The following CDK10 variants were observed in gnomAD, a reference collection of about 807,000 sequenced individuals.
CDK10 encodes the protein cyclin dependent kinase 10.
CDK10 carries 55 observed loss-of-function variants against 51.0 expected under a neutral mutation model. The ratio of observed to expected loss-of-function variants is 1.08; its 90% CI spans 0.87 to 1.35. The LOEUF (loss-of-function observed/expected upper bound fraction) is 1.35, where lower values mean the gene tolerates loss of function less well. Among genes scored for constraint, CDK10 ranks in the 40% most tolerant of loss-of-function variants. CDK10 has a pLI of 0.00. For missense variants in CDK10, 589 were observed against 485.1 expected (o/e 1.21, Z -2.01); for synonymous variants, 255 against 199.1 (o/e 1.28, Z -2.36).
rs955391971 is a variant in CDK10 at position 89,686,902 on chromosome 16, C to T, written c.87+105C>T. On this transcript the variant is annotated intron_variant, in intron 1 of 12. Coordinates refer to ENST00000353379, the MANE Select transcript of CDK10 (RefSeq NM_052988.5). ...CGCTGCCGCGCCGAGGCTTCCGGCACGGGCGGGAACGACAGTCCCAGAGTT... is the reference window on the plus strand; with the variant it reads ...CGCTGCCGCGCCGAGGCTTCCGGCATGGGCGGGAACGACAGTCCCAGAGTT... 6.2e-6 allele frequency: 6 copies of T among 973,976 alleles called. No individual in the cohort carries two copies. In the African/African-American group the frequency reaches 8.6e-5, roughly 14 times the overall value. 60.3% of individuals were successfully genotyped at this position (973,976 alleles called of 1,614,324 possible). A position where few individuals can be genotyped will look rare whatever the true frequency, so the allele number is the denominator to read the frequency against.
At position 89,695,839 on chromosome 16, in the gene CDK10, T is replaced by G; in HGVS notation, c.*147T>G. The stretch of plus-strand genomic sequence containing the variant: ...ACATCCTCCACTGACTTCCTCCCAC[T>G]GTCTGCCCTGAACCCACTGCTGCCC... On this transcript the variant is annotated 3_prime_UTR_variant, in exon 13 of 13. Coordinates refer to ENST00000353379, the MANE Select transcript of CDK10 (RefSeq NM_052988.5). The G allele has an allele frequency of 6.6e-7, 1 of 1,521,378 alleles. No individual in the cohort carries two copies. Among genetic ancestry groups the G allele is most frequent in the South Asian group, 1.2e-5 (1 of 83,762 alleles). The allele number at this position is 1,521,378 out of a possible 1,614,324, so 94.2% of individuals were successfully genotyped here.
At chr16:89,693,565 A>G in intron 8 of CDK10, 98 bp downstream of exon 8, 2 of 1,212,736 alleles carry the variant, frequency 1.6e-6, no homozygotes, top group East Asian at 2.4e-5. Context: ...GGCCTTGGGA[A>G]TGTTAAGCTA....
chr16:89,690,717 C>A, intron 3 of CDK10, 93 bp downstream of exon 3: 2 of 1,129,578 alleles, frequency 1.8e-6, no homozygotes, highest in Non-Finnish European at 1.4e-6. Flanking sequence ...CTGCACGGTG[C>A]TTGTAGCGGG....
chr16:89,694,388 A>G, intron 9 of CDK10, 156 bp downstream of exon 9: 1 of 901,842 alleles, frequency 1.1e-6, no homozygotes, highest in Non-Finnish European at 1.7e-6. Flanking sequence ...GAGCCTGGAA[A>G]CCCAGGAGGA....
rs116743290 is a variant in CDK10 at position 89,695,972 on chromosome 16, C to T, written c.*280C>T. Reference sequence around the variant, plus strand: ...CAGGGGTCTCATGTGGTCCTCCTCGCTATGTTGGAAATGTGCAACCACTGC... The same window carrying T: ...CAGGGGTCTCATGTGGTCCTCCTCGTTATGTTGGAAATGTGCAACCACTGC... On this transcript the variant is annotated 3_prime_UTR_variant, in exon 13 of 13. Transcript: ENST00000353379. 5.9e-3 allele frequency: 3,656 copies of T among 621,668 alleles called. 107 individuals carry two copies. The African/African-American group carries it at 0.06, about 10-fold the overall frequency. The allele number at this position is 621,668 out of a possible 1,614,324, so 38.5% of individuals were successfully genotyped here.
At chr16:89,691,734 C>A in intron 4 of CDK10, 72 bp from the exon 5 acceptor site, 2 of 1,460,226 alleles carry the variant, frequency 1.4e-6, no homozygotes, top group Non-Finnish European at 1.9e-6. Flanking sequence ...TCCCCTCCTG[C>A]AGCAGGGGAG....
chr16:89,693,541 C>A, intron 8 of CDK10, 74 bp downstream of exon 8: 3 of 1,462,814 alleles, frequency 2.1e-6, no homozygotes, highest in Non-Finnish European at 2.9e-6. Context: ...GGATGTCAGG[C>A]CGAAGCTGCA....
Position 89,694,712 on chromosome 16 carries a change from T to TC in CDK10, c.720dup (p.Gly241ArgfsTer20), listed in dbSNP as rs1941412288. The stretch of plus-strand genomic sequence containing the variant: ...GAGCTGCTGGCGCACAGGCCTCTTC[T>TC]CCCCGGCACTTCCGAGATCCACCAG... On this transcript the variant is annotated frameshift_variant, in exon 10 of 13. Coordinates refer to ENST00000353379, the MANE Select transcript of CDK10 (RefSeq NM_052988.5). LOFTEE classifies it high-confidence loss of function. The TC allele has an allele frequency of 6.3e-7, 1 of 1,584,496 alleles. No homozygotes were observed. Among genetic ancestry groups the TC allele is most frequent in the African/African-American group, 1.3e-5 (1 of 74,074 alleles).
intron 2 of CDK10, 150 bp downstream of exon 2, chr16:89,689,474 C>T: frequency 1.5e-6 from 1 of 656,558 alleles, no homozygotes; most frequent in Non-Finnish European, 2.8e-6. Context: ...AACTTCAATT[C>T]CTGATGTAGT....
intron 3 of CDK10, 150 bp downstream of exon 3, chr16:89,690,774 A>C (rs2060410326): frequency 1.4e-6 from 1 of 705,864 alleles, no homozygotes; most frequent in Non-Finnish European, 2.6e-6. Context: ...CATCACCCCC[A>C]GGTCCACACG....
At chr16:89,691,617 C>T (rs940067880) in intron 4 of CDK10, 72 bp downstream of exon 4, 13 of 1,363,928 alleles carry the variant, frequency 9.5e-6, no homozygotes, top group East Asian at 2.3e-5. Flanking sequence ...TTGCACAGAG[C>T]GAGGACTGAG....
At position 89,695,736 on chromosome 16, in the gene CDK10, G is replaced by T; in HGVS notation, c.*44G>T. The T allele has an allele frequency of 1.3e-6, 2 of 1,590,720 alleles. No homozygotes were observed. Among genetic ancestry groups the T allele is most frequent in the Middle Eastern group, 1.7e-4 (1 of 6,046 alleles). ...CCTGTATTCCCACACCAGGTCTTCC[G>T]ATCAGTGGTGTCTGTGAAGGGTGCC... is the stretch of plus-strand genomic sequence containing the variant. On this transcript the variant is annotated 3_prime_UTR_variant, in exon 13 of 13. Transcript: ENST00000353379.
intron 6 of CDK10, 126 bp from the exon 7 acceptor site, chr16:89,693,148 A>AG: frequency 1.3e-6 from 1 of 790,208 alleles, no homozygotes; most frequent in East Asian, 2.6e-5. Context: ...AAAAAAAAAA[A>AG]AAAAAGATAC....
chr16:89,689,744 C>T lies in CDK10; in HGVS notation c.160+420C>T, dbSNP rs548696597. ...TATTGCCCAGACTGGAGTGCAGTGG[C>T]ATGATCATAGCTCACTGCGGCCTCG... On this transcript the variant is annotated intron_variant, in intron 2 of 12. Coordinates refer to ENST00000353379, the MANE Select transcript of CDK10 (RefSeq NM_052988.5). 185 of 166,992 alleles carry T rather than the reference C, an allele frequency of 1.1e-3. 1 individual carries two copies. The highest frequency in any genetic ancestry group is 4.1e-3 in the African/African-American group (170 of 41,338). 10.3% of individuals were successfully genotyped at this position (166,992 alleles called of 1,614,324 possible).
chr16:89,691,488 T>C lies in CDK10; in HGVS notation c.278T>C (p.Leu93Pro), dbSNP rs1220315383. The change falls in exon 4 of 13, where the codon CTG (leucine) becomes CCG (proline). Residue 93 changes from leucine (L) to proline (P), a missense_variant. Transcript: ENST00000353379. ...SLREITLLLR[L>P]RHPNIVELKE... is the part of the protein sequence containing the mutation. ...CGGGAGATCACGCTGCTGCTCCGCC[T>C]GCGTCATCCGAACATCGTGGAGCTG... 1.9e-6 allele frequency: 3 copies of C among 1,613,790 alleles called. No homozygotes were observed. Among genetic ancestry groups the C allele is most frequent in the East Asian group, 4.5e-5 (2 of 44,888 alleles).
At chr16:89,694,868 C>T in intron 10 of CDK10, 63 bp from the exon 11 acceptor site, 2 of 1,569,902 alleles carry the variant, frequency 1.3e-6, no homozygotes, top group Non-Finnish European at 1.7e-6. Flanking sequence ...TGCCCACGCC[C>T]TCTGCGCCCG....
chr16:89,693,665 A>G (rs1200109911), intron 8 of CDK10, 198 bp downstream of exon 8: 12 of 609,028 alleles, frequency 2.0e-5, no homozygotes, highest in South Asian at 3.9e-5. Flanking sequence ...AGACGGGCTC[A>G]GTGGCGTCAA....
intron 1 of CDK10, 185 bp downstream of exon 1, chr16:89,686,982 G>A (rs1038929631): frequency 1.8e-4 from 96 of 534,806 alleles, no homozygotes; most frequent in Non-Finnish European, 1.7e-4. Context: ...CCCGACAGCC[G>A]GTCCCTGGAG....
intron 8 of CDK10, 168 bp downstream of exon 8, chr16:89,693,635 C>T: frequency 1.5e-6 from 1 of 656,944 alleles, no homozygotes; most frequent in Non-Finnish European, 2.6e-6. Flanking sequence ...CACAGCAGGG[C>T]TGTGCCACAA....
Sources: allele counts gnomAD v4.1 joint callset, GRCh38; gene constraint gnomAD v4.1.1; transcripts MANE v1.5; gene names NCBI Gene and HGNC (gene_info 2026-07-23, HGNC 2026-07-21).